Variants in ATCAY observed in about 807,000 individuals in gnomAD.
ATCAY encodes the protein caytaxin.
A neutral mutation model predicts 47.7 loss-of-function variants in ATCAY; 22 were observed. The observed-to-expected ratio is 0.46, with a 90% CI of 0.33 to 0.66. ATCAY has a LOEUF of 0.66. Ranked by LOEUF, ATCAY falls within the 30% of genes least tolerant of loss-of-function variation. The pLI is 0.02. For synonymous variants in ATCAY, 216 were observed against 207.6 expected (o/e 1.04, Z -0.35); for missense variants, 452 against 515.0 (o/e 0.88, Z 1.18).
In ATCAY at chr19:3,893,213, G is replaced by A. The variant is rs1375691893; in HGVS notation, c.77+7369G>A. On this transcript the variant is annotated intron_variant, in intron 2 of 12. Coordinates refer to ENST00000450849, the MANE Select transcript of ATCAY (RefSeq NM_033064.5). Reference sequence around the variant, plus strand: ...TTTTGAGACGGAGACTTGCTCTGTCGCCCAGGCTGGAGTGCAGTAGCATGA... The same window carrying A: ...TTTTGAGACGGAGACTTGCTCTGTCACCCAGGCTGGAGTGCAGTAGCATGA... Among the ~76,000 whole-genome samples, 8 of 135,790 alleles carry A rather than the reference G, an allele frequency of 5.9e-5. No individual in the cohort carries two copies. In the East Asian group the frequency reaches 1.1e-3, roughly 19 times the overall value. The allele number at this position is 135,790 out of a possible 152,430, so 89.1% of individuals were successfully genotyped here.
At chr19:3,917,811 CG>C in intron 10 of ATCAY, 34 bp downstream of exon 10, 1 of 1,602,086 alleles carries the variant, frequency 6.2e-7, no homozygotes, top group Non-Finnish European at 8.5e-7. Context: ...GGGGCTGGGT[CG>C]GGGCAGCGGG....
In ATCAY at chr19:3,887,844, GGT is replaced by G. The variant is rs1464677103; in HGVS notation, c.77+2007_77+2008del. Among the ~76,000 whole-genome samples the G allele has an allele frequency of 1.5e-4, 23 of 150,722 alleles. 3 individuals carry two copies. The highest frequency in any genetic ancestry group is 8.4e-4 in the South Asian group (4 of 4,770). On this transcript the variant is annotated intron_variant, in intron 2 of 12. Coordinates refer to ENST00000450849, the MANE Select transcript of ATCAY (RefSeq NM_033064.5). ...AAAAAAGGCCGGTCGCTGTGGCTCA[GGT>G]GTGTGTAATCCCAGCACTTTGGGAG...
chr19:3,894,081 A>G (rs1182638095), intron 2 of ATCAY, among the ~76,000 whole-genome samples: 1 of 152,110 alleles, frequency 6.6e-6, no homozygotes, highest in African/African-American at 2.4e-5. Context: ...AGCCAGGCAC[A>G]GTGGCTCACT....
intron 9 of ATCAY, among the ~76,000 whole-genome samples, chr19:3,914,411 C>T (rs974954562): frequency 6.6e-6 from 1 of 151,758 alleles, no homozygotes; most frequent in Admixed American, 6.6e-5. Flanking sequence ...CTCACTGTCG[C>T]GAGAATAGCA....
intron 2 of ATCAY, among the ~76,000 whole-genome samples, chr19:3,894,483 CAA>C (rs35274604): frequency 0.024 from 1,436 of 60,802 alleles, 18 homozygotes; most frequent in African/African-American, 0.075. Context: ...GACTCCGTCT[CAA>C]AAAAAAAAAA....
rs968674495 is a variant in ATCAY at position 3,885,895 on chromosome 19, C to T, written c.77+51C>T. ...ACCGTTGGGGGAGCAGGTGTCTCTCCCAGGTGGGACACAGGAGCGGCCCGG... is the reference window on the plus strand; with the variant it reads ...ACCGTTGGGGGAGCAGGTGTCTCTCTCAGGTGGGACACAGGAGCGGCCCGG... On this transcript the variant is annotated intron_variant, in intron 2 of 12. Transcript: ENST00000450849. The T allele has an allele frequency of 2.6e-6, 4 of 1,536,276 alleles. No individual in the cohort carries two copies. In the Admixed American group the frequency reaches 5.9e-5, roughly 23 times the overall value.
chr19:3,882,687 A>G (rs951996783), intron 1 of ATCAY, among the ~76,000 whole-genome samples: 2 of 152,002 alleles, frequency 1.3e-5, no homozygotes, highest in Non-Finnish European at 2.9e-5. Context: ...TCTGTTGCTC[A>G]GGCTGGAATG....
intron 9 of ATCAY, among the ~76,000 whole-genome samples, chr19:3,915,717 A>ATT (rs58629412): frequency 0.22 from 24,020 of 108,698 alleles, 3,401 homozygotes; most frequent in South Asian, 0.57. Context: ...TGCCCAGCTA[A>ATT]TTTTTTTTTT....
intron 2 of ATCAY, among the ~76,000 whole-genome samples, chr19:3,898,812 G>A (rs565470001): frequency 6.6e-6 from 1 of 152,170 alleles, no homozygotes; most frequent in Admixed American, 6.6e-5. Flanking sequence ...CTCCCAAGTA[G>A]CTAGGATTAT....
intron 2 of ATCAY, among the ~76,000 whole-genome samples, chr19:3,893,972 G>T (rs1456538798): frequency 6.6e-6 from 1 of 152,076 alleles, no homozygotes; most frequent in Non-Finnish European, 1.5e-5. Context: ...CAGTCCCGGA[G>T]CCTGGGCCTC....
chr19:3,925,947 C>G lies in ATCAY; in HGVS notation c.*1355C>G, dbSNP rs565298850. ...ACTTAAACCTGAGAGGCAGAGGTTA[C>G]AGTGAGCCAAGATCGTGCCACTGCA... On this transcript the variant is annotated 3_prime_UTR_variant, in exon 13 of 13. Transcript: ENST00000450849. The surrounding 1 kb of genome is among the most constrained non-coding windows in gnomAD (Gnocchi z 4.4). 1 of 152,120 alleles carries G rather than the reference C, an allele frequency of 6.6e-6. No individual in the cohort carries two copies. The highest frequency in any genetic ancestry group is 1.9e-4 in the East Asian group (1 of 5,184). 9.4% of individuals were successfully genotyped at this position (152,120 alleles called of 1,614,324 possible).
intron 5 of ATCAY, 27 bp from the exon 6 acceptor site, chr19:3,908,241 C>T (rs1218135329): frequency 5.8e-6 from 9 of 1,541,904 alleles, no homozygotes; most frequent in African/African-American, 2.7e-5. Context: ...AGGACTCTGA[C>T]GTTGCCGATC....
In ATCAY at chr19:3,921,895, TA is replaced by T. The variant is rs113006554; in HGVS notation, c.1106+1110del. ...CTGGGCAACAGAGCAAGACTCTGTT[TA>T]AAAAAAAAAAAACAAAAAAACAAAA... On this transcript the variant is annotated intron_variant, in intron 12 of 12. Transcript: ENST00000450849. 9.8e-3 allele frequency among the ~76,000 whole-genome samples: 1,393 copies of T among 142,374 alleles called. 27 individuals are homozygous for T. The highest frequency in any genetic ancestry group is 0.034 in the African/African-American group (1,291 of 38,104). 93.4% of individuals were successfully genotyped at this position (142,374 alleles called of 152,430 possible). A position where few individuals can be genotyped will look rare whatever the true frequency, so the allele number is the denominator to read the frequency against.
intron 1 of ATCAY, among the ~76,000 whole-genome samples, chr19:3,884,310 A>G (rs993175418): frequency 1.3e-5 from 2 of 152,034 alleles, no homozygotes; most frequent in Non-Finnish European, 2.9e-5. Context: ...AAATAAATAA[A>G]GTGGCATTTT....
intron 2 of ATCAY, among the ~76,000 whole-genome samples, chr19:3,901,332 T>G (rs1157708585): frequency 1.3e-5 from 2 of 152,232 alleles, no homozygotes; most frequent in Non-Finnish European, 2.9e-5. Flanking sequence ...CATAGACATT[T>G]ATTTTACATC....
chr19:3,917,732 T>C lies in ATCAY; in HGVS notation c.966-10T>C. On this transcript the variant is annotated splice_polypyrimidine_tract_variant and intron_variant, in intron 9 of 12. Transcript: ENST00000450849. ...GAAGGTTGTGTCTGACATCTTTTTC[T>C]TTCTTTCAGATACGAAGAGGAAAGA... 1 of 1,613,512 alleles carries C rather than the reference T, an allele frequency of 6.2e-7. No homozygotes were observed. The highest frequency in any genetic ancestry group is 8.5e-7 in the Non-Finnish European group (1 of 1,179,668).
At position 3,886,214 on chromosome 19, in the gene ATCAY, C is replaced by T. The variant is rs564251867; in HGVS notation, c.77+370C>T. 5.3e-5 allele frequency among the ~76,000 whole-genome samples: 8 copies of T among 152,234 alleles called. No individual in the cohort carries two copies. In the East Asian group the frequency reaches 1.5e-3, roughly 29 times the overall value. On this transcript the variant is annotated intron_variant, in intron 2 of 12. Transcript: ENST00000450849. The stretch of plus-strand genomic sequence containing the variant: ...CTGTAATCCCAGCACTTTGGGAGGC[C>T]GAGGTGGGCGGATCACTTGAGGTCA...
intron 11 of ATCAY, 43 bp downstream of exon 11, chr19:3,918,920 G>A: frequency 1.2e-6 from 2 of 1,610,150 alleles, no homozygotes; most frequent in Non-Finnish European, 1.7e-6. Context: ...GACAGTCACG[G>A]GAGGCTGCCT....
chr19:3,891,281 A>T (rs2038716343), intron 2 of ATCAY, among the ~76,000 whole-genome samples: 3 of 151,742 alleles, frequency 2.0e-5, no homozygotes, highest in Admixed American at 2.0e-4. Flanking sequence ...CGAACTCCTA[A>T]CCTCAAGTGA....
Sources: gnomAD v4.1 joint callset for allele counts (sites outside exome capture counted in the v4.1 genomes callset) on GRCh38, gnomAD v4.1.1 for gene constraint, Gnocchi (gnomAD v3.1) non-coding constraint, MANE v1.5 for transcripts, NCBI Gene and HGNC (gene_info 2026-07-23, HGNC 2026-07-21) for gene names.